TACC2: variants seen among roughly 807,000 people sequenced by gnomAD.
TACC2 encodes the protein transforming acidic coiled-coil-containing protein 2.
TACC2 carries 137 observed loss-of-function variants against 227.3 expected under a neutral mutation model. The ratio of observed to expected loss-of-function variants is 0.60; its 90% CI spans 0.52 to 0.69. The LOEUF (loss-of-function observed/expected upper bound fraction) is 0.69, where lower values mean the gene tolerates loss of function less well. Among genes scored for constraint, TACC2 ranks in the 30% least tolerant of loss-of-function variants. The pLI is 0.00. For synonymous variants in TACC2, 1,523 were observed against 1,487.5 expected, an observed-to-expected ratio of 1.02 and a Z score of -0.55; for missense variants, 3,470 against 3,694.4, an observed-to-expected ratio of 0.94 and a Z score of 1.57.
chr10:122,069,056 C>T lies in TACC2; in HGVS notation c.147-13591C>T, dbSNP rs527374384. On this transcript the variant is annotated intron_variant, in intron 3 of 22. Coordinates refer to ENST00000369005, the MANE Select transcript of TACC2 (RefSeq NM_206862.4). ...GGTTTCTACACCTGCACATGCCGAT[C>T]AGTCCTCCCCTCTCTAGTATTCTAC... is the stretch of plus-strand genomic sequence containing the variant. 3.9e-5 allele frequency among the ~76,000 whole-genome samples: 6 copies of T among 151,986 alleles called. No homozygotes were observed. In the South Asian group the frequency reaches 1.3e-3, roughly 32 times the overall value.
At chr10:122,031,397 C>CTT (rs758476678) in intron 2 of TACC2, among the ~76,000 whole-genome samples, 1,686 of 91,706 alleles carry the variant, frequency 0.018, 56 homozygotes, top group African/African-American at 0.043. Flanking sequence ...GGTCTAGCCT[C>CTT]TTTTTTTTTT....
At chr10:122,234,938 C>T (rs1449888601) in intron 16 of TACC2, among the ~76,000 whole-genome samples, 1 of 152,132 alleles carries the variant, frequency 6.6e-6, no homozygotes, top group Non-Finnish European at 1.5e-5. Context: ...TGAGATTCTC[C>T]ATTTTATTCA....
At chr10:122,105,728 T>C (rs4752645) in intron 5 of TACC2, among the ~76,000 whole-genome samples, 130,829 of 151,788 alleles carry the variant, frequency 0.86, 57,789 homozygotes, top group East Asian at 0.98. Context: ...TCGAGCGATT[T>C]TCCTGCCCCA....
chr10:122,073,127 ATATATATAT>A (rs1195548054), intron 3 of TACC2, among the ~76,000 whole-genome samples: 4 of 50,600 alleles, frequency 7.9e-5, no homozygotes, highest in East Asian at 9.6e-4. Flanking sequence ...AAAAAAAAAA[ATATATATAT>A]ATATATATAT....
At chr10:122,119,103 G>A (rs2085249151) in intron 5 of TACC2, among the ~76,000 whole-genome samples, 1 of 152,092 alleles carries the variant, frequency 6.6e-6, no homozygotes, top group African/African-American at 2.4e-5. Flanking sequence ...CAATCTGAAC[G>A]ACTGTATCCA....
chr10:122,052,086 C>T (rs2075765291), intron 3 of TACC2: 1 of 152,170 alleles, frequency 6.6e-6, no homozygotes, highest in Non-Finnish European at 1.5e-5. Flanking sequence ...TCATCAGGGT[C>T]ACAGGACAAA....
rs1364968157 is a variant in TACC2 at position 122,053,806 on chromosome 10, A to AC, written c.146+3258dup. Among the ~76,000 whole-genome samples, 3 of 152,110 alleles carry AC rather than the reference A, an allele frequency of 2.0e-5. No individual in the cohort carries two copies. The East Asian group carries it at 5.8e-4, about 29-fold the overall frequency. On this transcript the variant is annotated intron_variant, in intron 3 of 22. Coordinates refer to ENST00000369005, the MANE Select transcript of TACC2 (RefSeq NM_206862.4). ...ATCTGTCCCTTGGCCTCATTGGACA[A>AC]CCAGCATTTTCTCTTCAAAGGATGT...
At chr10:122,034,654 G>A (rs1320425775) in intron 2 of TACC2, among the ~76,000 whole-genome samples, 2 of 152,076 alleles carry the variant, frequency 1.3e-5, no homozygotes, top group South Asian at 2.1e-4. Flanking sequence ...TTTTGGGGCC[G>A]GGCGCAGTGG....
chr10:122,167,102 T>C (rs1210767675), intron 7 of TACC2, among the ~76,000 whole-genome samples: 2 of 152,214 alleles, frequency 1.3e-5, no homozygotes, highest in Non-Finnish European at 2.9e-5. Context: ...CCCCACACCC[T>C]GGCCACTGAA....
rs934338274 is a variant in TACC2 at position 122,210,937 on chromosome 10, C to T, written c.6512C>T (p.Ser2171Phe). Residue 2171 changes from serine to phenylalanine, a missense_variant, in exon 9 of 23, where the codon TCT becomes TTT. Ser to Phe is a radical substitution (Grantham distance 155, BLOSUM62 -2). Transcript: ENST00000369005. The surrounding 1 kb of genome is among the most constrained non-coding windows in gnomAD (Gnocchi z 4.6). ...SLVPSGENLASETKTESAKTE... is the reference protein window; with the variant it reads ...SLVPSGENLAFETKTESAKTE... The stretch of plus-strand genomic sequence containing the variant: ...GTCCCCAGTGGGGAGAATCTAGCAT[C>T]TGAGACGAAAACGGAATCTGCCAAG... 9 of 1,613,988 alleles carry T rather than the reference C, an allele frequency of 5.6e-6. No homozygotes were observed. The Admixed American group carries it at 1.5e-4, about 27-fold the overall frequency.
In TACC2 at chr10:122,083,048, G is replaced by T; in HGVS notation, c.548G>T (p.Gly183Val). The stretch of plus-strand genomic sequence containing the variant: ...AGAGAGAGACAGCCGAAGGAAGAAG[G>T]ACAGAAGTCCTCCTTCTCCTTCTCC... ...AGRERQPKEE[G>V]QKSSFSFSSG... The change falls in exon 4 of 23, where the codon GGA becomes GTA. Residue 183 changes from glycine (G) to valine (V), a missense_variant. Coordinates refer to ENST00000369005, the MANE Select transcript of TACC2 (RefSeq NM_206862.4). 6.2e-7 allele frequency: 1 copy of T among 1,612,616 alleles called. No individual in the cohort carries two copies. Among genetic ancestry groups the T allele is most frequent in the Non-Finnish European group, 8.5e-7 (1 of 1,180,008 alleles).
intron 1 of TACC2, chr10:122,019,869 A>G: frequency 6.6e-6 from 1 of 152,274 alleles, no homozygotes; most frequent in Non-Finnish European, 1.5e-5. Context: ...CCAAGTCCAG[A>G]CCACCCCCGA....
chr10:122,129,122 C>T (rs7897483), intron 5 of TACC2, among the ~76,000 whole-genome samples: 14,196 of 148,488 alleles, frequency 0.096, 1,040 homozygotes, highest in African/African-American at 0.2. Flanking sequence ...CTCTTGTCAC[C>T]CAGGCTGGAG....
Position 122,083,396 on chromosome 10 carries a change from A to G in TACC2, c.896A>G (p.Tyr299Cys), listed in dbSNP as rs550713473. 9.3e-6 allele frequency: 15 copies of G among 1,613,866 alleles called. No individual in the cohort carries two copies. The African/African-American group carries it at 1.3e-4, about 14-fold the overall frequency. The part of the protein sequence containing the change: ...ERGQGEAPPQ[Y>C]LTDDLEFLRA... ...GGCCAAGGGGAGGCGCCGCCTCAGT[A>G]TTTAACAGATGACTTGGAATTCCTC... The change falls in exon 4 of 23, where the codon TAT becomes TGT. Residue 299 changes from tyrosine (Y) to cysteine (C), a missense_variant. Around this residue, in one of 10 missense-constraint regions of TACC2, gnomAD observed 405 missense variants for 389.6 expected, o/e 1.04. Coordinates refer to ENST00000369005, the MANE Select transcript of TACC2 (RefSeq NM_206862.4).
At chr10:122,096,725 C>T (rs986445119) in intron 5 of TACC2, among the ~76,000 whole-genome samples, 21 of 151,420 alleles carry the variant, frequency 1.4e-4, no homozygotes, top group African/African-American at 5.1e-4. Flanking sequence ...CTGCCCCTCA[C>T]CAGACTGGGA....
At chr10:122,214,712 C>T (rs1467205098) in intron 9 of TACC2, among the ~76,000 whole-genome samples, 1 of 152,176 alleles carries the variant, frequency 6.6e-6, no homozygotes, top group South Asian at 2.1e-4. Context: ...TCCTTTGCCT[C>T]TCAGCCCCGC....
At chr10:122,137,172 G>A (rs2089839550) in intron 6 of TACC2, among the ~76,000 whole-genome samples, 1 of 152,054 alleles carries the variant, frequency 6.6e-6, no homozygotes, top group Non-Finnish European at 1.5e-5. Flanking sequence ...TGCTTCGGGG[G>A]TTGAGCTAAC....
chr10:122,154,933 C>G (rs1009686069), intron 7 of TACC2, among the ~76,000 whole-genome samples: 2 of 152,208 alleles, frequency 1.3e-5, no homozygotes, highest in Admixed American at 6.5e-5. Context: ...GTCAGCAGTT[C>G]TGAGCCTCAG....
intron 5 of TACC2, among the ~76,000 whole-genome samples, chr10:122,120,019 C>G (rs1370620859): frequency 6.6e-6 from 1 of 152,110 alleles, no homozygotes; most frequent in Non-Finnish European, 1.5e-5. Flanking sequence ...TTGAGCTTGC[C>G]GTAAAATTCG....
Sources: allele counts gnomAD v4.1 joint callset (sites outside exome capture counted in the v4.1 genomes callset), GRCh38; gene constraint gnomAD v4.1.1; regional missense constraint gnomAD v4.1.1; non-coding constraint Gnocchi (gnomAD v3.1); transcripts MANE v1.5; gene names NCBI Gene and HGNC (gene_info 2026-07-23, HGNC 2026-07-21).